ZNF407: variants seen among roughly 807,000 people sequenced by gnomAD.
ZNF407 encodes zinc finger protein 407.
ZNF407 carries 17 observed loss-of-function variants against 131.2 expected under a neutral mutation model. That is an observed-to-expected ratio of 0.13 (90% confidence interval 0.09 to 0.19). The LOEUF is 0.19. Ranked by LOEUF, ZNF407 falls within the 10% of genes least tolerant of loss-of-function variation. The probability of loss-of-function intolerance (pLI) is 1.00; values close to 1 mark genes in which losing one functional copy is unlikely to be tolerated. For missense variants in ZNF407, 2,681 were observed against 2,830.6 expected (o/e 0.95, Z 1.20); for synonymous variants, 1,156 against 1,062.0 (o/e 1.09, Z -1.72).
At chr18:74,804,169 C>G in intron 4 of ZNF407, 1 of 1,416,196 alleles carries the variant, frequency 7.1e-7, no homozygotes. Flanking sequence ...CTGTGTACTT[C>G]TTTGCATACT....
intron 8 of ZNF407, among the ~76,000 whole-genome samples, chr18:75,020,340 G>A (rs61503539): frequency 0.017 from 2,148 of 127,816 alleles, 24 homozygotes; most frequent in African/African-American, 0.037. Flanking sequence ...GTGTGTGTGT[G>A]TATATATATA....
chr18:74,906,416 G>C (rs539068609), intron 7 of ZNF407, among the ~76,000 whole-genome samples: 1 of 152,214 alleles, frequency 6.6e-6, no homozygotes, highest in Non-Finnish European at 1.5e-5. Context: ...ACTGTCAGCT[G>C]TGCTGCTCTG....
intron 4 of ZNF407, among the ~76,000 whole-genome samples, chr18:74,875,784 T>C (rs529453288): frequency 5.9e-5 from 9 of 152,208 alleles, no homozygotes; most frequent in Non-Finnish European, 1.3e-4. Context: ...ATAGTATCTC[T>C]TTACATATAT....
At chr18:74,694,633 C>T (rs1336243358) in intron 3 of ZNF407, among the ~76,000 whole-genome samples, 1 of 152,134 alleles carries the variant, frequency 6.6e-6, no homozygotes, top group East Asian at 1.9e-4. Flanking sequence ...ACACTGTGCT[C>T]TGGCATGGGT....
At chr18:74,823,438 C>T (rs1328935189) in intron 4 of ZNF407, among the ~76,000 whole-genome samples, 2 of 152,108 alleles carry the variant, frequency 1.3e-5, no homozygotes, top group African/African-American at 4.8e-5. Flanking sequence ...AGAGTCAAGA[C>T]CCATTGGTGT....
At chr18:74,953,527 G>A (rs1215862352) in intron 8 of ZNF407, among the ~76,000 whole-genome samples, 1 of 152,016 alleles carries the variant, frequency 6.6e-6, no homozygotes, top group Non-Finnish European at 1.5e-5. Context: ...AATTTCCCTT[G>A]TATTACATTT....
intron 3 of ZNF407, among the ~76,000 whole-genome samples, chr18:74,643,492 C>A (rs995127955): frequency 4.2e-4 from 64 of 151,918 alleles, no homozygotes; most frequent in African/African-American, 1.5e-3. Context: ...ATGAGCTCTT[C>A]ATTATTTGAG....
chr18:74,969,015 C>A (rs934157736), intron 8 of ZNF407, among the ~76,000 whole-genome samples: 1 of 152,146 alleles, frequency 6.6e-6, no homozygotes, highest in African/African-American at 2.4e-5. Flanking sequence ...CTCAGGTTTG[C>A]TGATGGTATC....
At chr18:75,052,813 G>A (rs1304389416) in intron 8 of ZNF407, among the ~76,000 whole-genome samples, 1 of 152,152 alleles carries the variant, frequency 6.6e-6, no homozygotes, top group African/African-American at 2.4e-5. Flanking sequence ...TTTCCTGCAC[G>A]TGCACCCGGG....
intron 3 of ZNF407, among the ~76,000 whole-genome samples, chr18:74,740,656 TG>T (rs1367455562): frequency 2.7e-4 from 41 of 151,932 alleles, no homozygotes; most frequent in African/African-American, 9.4e-4. Context: ...GGGCATGGAG[TG>T]GGGATTTTTG....
chr18:74,900,775 C>T (rs907368539), intron 7 of ZNF407, among the ~76,000 whole-genome samples: 12 of 152,152 alleles, frequency 7.9e-5, no homozygotes, highest in Non-Finnish European at 1.3e-4. Context: ...TTGTTTTCAC[C>T]TATCTTTTGT....
intron 7 of ZNF407, among the ~76,000 whole-genome samples, chr18:74,917,378 T>A (rs2145236413): frequency 6.6e-6 from 1 of 152,330 alleles, no homozygotes; most frequent in Admixed American, 6.5e-5. Context: ...TATATATACA[T>A]CCTGTATACA....
intron 8 of ZNF407, among the ~76,000 whole-genome samples, chr18:75,013,705 C>T (rs1035150776): frequency 6.6e-6 from 1 of 152,042 alleles, no homozygotes; most frequent in Admixed American, 6.6e-5. Flanking sequence ...TGCTTGTGCC[C>T]GTGTTCTCTG....
chr18:74,788,005 G>A (rs938862400), intron 4 of ZNF407, among the ~76,000 whole-genome samples: 19 of 152,116 alleles, frequency 1.2e-4, no homozygotes, highest in Admixed American at 2.6e-4. Flanking sequence ...CACTTCGTTA[G>A]CCTTTGATAC....
At chr18:74,724,930 A>G (rs1968122122) in intron 3 of ZNF407, among the ~76,000 whole-genome samples, 1 of 152,222 alleles carries the variant, frequency 6.6e-6, no homozygotes, top group African/African-American at 2.4e-5. Context: ...CTTCTCAGAA[A>G]ATTTGATCAA....
chr18:75,005,814 C>T (rs942329115), intron 8 of ZNF407, among the ~76,000 whole-genome samples: 1 of 151,504 alleles, frequency 6.6e-6, no homozygotes, highest in African/African-American at 2.4e-5. Context: ...CCCCACCCTC[C>T]TGGGATGCTG....
intron 7 of ZNF407, among the ~76,000 whole-genome samples, chr18:74,919,843 A>G (rs1467528347): frequency 6.6e-6 from 1 of 152,304 alleles, no homozygotes; most frequent in Admixed American, 6.5e-5. Flanking sequence ...TTGCATTTCT[A>G]ATTCTGCGGG....
At chr18:74,958,057 C>T (rs1358070973) in intron 8 of ZNF407, among the ~76,000 whole-genome samples, 1 of 152,156 alleles carries the variant, frequency 6.6e-6, no homozygotes, top group Non-Finnish European at 1.5e-5. Context: ...GTTTGGAGAA[C>T]CATAACCCAC....
intron 8 of ZNF407, among the ~76,000 whole-genome samples, chr18:75,028,257 G>A (rs1245227926): frequency 2.0e-5 from 3 of 152,172 alleles, no homozygotes; most frequent in Non-Finnish European, 2.9e-5. Context: ...CGTTTCGGAG[G>A]CTACCAGTTT....
Sources: allele counts gnomAD v4.1 joint callset (sites outside exome capture counted in the v4.1 genomes callset), GRCh38; gene constraint gnomAD v4.1.1; transcripts MANE v1.5; gene names NCBI Gene and HGNC (gene_info 2026-07-23, HGNC 2026-07-21).